RANBP2: variants seen among roughly 807,000 people sequenced by gnomAD.
RANBP2 encodes the protein E3 SUMO-protein ligase RanBP2.
Under a neutral mutation model 303.6 loss-of-function variants are expected in RANBP2, and 57 were observed. The observed-to-expected ratio is 0.19, with a 90% CI of 0.15 to 0.23. RANBP2 has a LOEUF of 0.23. Among genes scored for constraint, RANBP2 ranks in the 10% least tolerant of loss-of-function variants. The pLI is 1.00. For missense variants in RANBP2, 3,138 were observed against 3,780.8 expected (o/e 0.83, Z 4.46); for synonymous variants, 1,167 against 1,301.5 (o/e 0.90, Z 2.23).
chr2:109,162,207 G>A, the RANBP2 span, among the ~76,000 whole-genome samples: 3 of 152,166 alleles, frequency 2.0e-5, no homozygotes, highest in African/African-American at 7.2e-5. Flanking sequence ...CTTTATGTGT[G>A]CCTAGGCTTG....
At chr2:109,417,413 C>T in the RANBP2 span, among the ~76,000 whole-genome samples, 41 of 152,198 alleles carry the variant, frequency 2.7e-4, no homozygotes, top group African/African-American at 8.7e-4. Context: ...GCAGGTGTCC[C>T]GGGCAGACAG....
the RANBP2 span, among the ~76,000 whole-genome samples, chr2:108,863,421 T>C: frequency 6.6e-6 from 1 of 152,182 alleles, no homozygotes; most frequent in Non-Finnish European, 1.5e-5. Flanking sequence ...TTTAGATGTG[T>C]GGTGTTTTCA....
chr2:108,841,806 C>T, the RANBP2 span, among the ~76,000 whole-genome samples: 10 of 151,922 alleles, frequency 6.6e-5, no homozygotes, highest in Admixed American at 6.6e-4. Context: ...TTTTGTTTCT[C>T]TTTTTCATTT....
At chr2:109,355,495 C>T in the RANBP2 span, among the ~76,000 whole-genome samples, 1 of 152,202 alleles carries the variant, frequency 6.6e-6, no homozygotes, top group Non-Finnish European at 1.5e-5. Context: ...TGTCATGCTA[C>T]AATGGAGGGT....
the RANBP2 span, among the ~76,000 whole-genome samples, chr2:109,553,471 G>C: frequency 6.6e-6 from 1 of 151,734 alleles, no homozygotes; most frequent in Admixed American, 6.6e-5. Context: ...CTGAACCCAG[G>C]AGGCAGAGAT....
chr2:108,915,701 AC>A, the RANBP2 span, among the ~76,000 whole-genome samples: 1 of 152,018 alleles, frequency 6.6e-6, no homozygotes, highest in African/African-American at 2.4e-5. Context: ...GTTTGAGACC[AC>A]CCTGGCCAAC....
chr2:109,012,488 G>A, the RANBP2 span, among the ~76,000 whole-genome samples: 14 of 142,400 alleles, frequency 9.8e-5, no homozygotes, highest in East Asian at 6.1e-4. Context: ...AAGGAACGGC[G>A]GAGAGGGTCA....
the RANBP2 span, among the ~76,000 whole-genome samples, chr2:108,844,216 G>A: frequency 1.3e-5 from 2 of 151,912 alleles, no homozygotes; most frequent in African/African-American, 4.8e-5. Flanking sequence ...CTCTAATGAC[G>A]TGATTTTAGA....
the RANBP2 span, among the ~76,000 whole-genome samples, chr2:108,927,629 T>C: frequency 3.3e-5 from 5 of 151,702 alleles, no homozygotes; most frequent in Non-Finnish European, 7.4e-5. Context: ...CAGTAGGAAT[T>C]TGCCCCATGG....
At chr2:109,399,690 C>T in the RANBP2 span, among the ~76,000 whole-genome samples, 42 of 152,312 alleles carry the variant, frequency 2.8e-4, no homozygotes, top group East Asian at 7.9e-3. Context: ...AAGTACTTGC[C>T]TGTAGCTCTG....
the RANBP2 span, among the ~76,000 whole-genome samples, chr2:109,421,118 G>A: frequency 6.6e-6 from 1 of 152,252 alleles, no homozygotes; most frequent in Admixed American, 6.5e-5. Context: ...ACATGGAAAA[G>A]TGGGGGGTGA....
chr2:109,251,815 A>G, the RANBP2 span, among the ~76,000 whole-genome samples: 1 of 152,212 alleles, frequency 6.6e-6, no homozygotes, highest in Admixed American at 6.5e-5. Flanking sequence ...CCAAATATTT[A>G]ATATTTTTAA....
At position 108,782,764 on chromosome 2, in the gene RANBP2, C is replaced by T. The variant is rs918413277; in HGVS notation, c.9271C>T (p.Arg3091Trp). 1.9e-6 allele frequency: 3 copies of T among 1,614,150 alleles called. No individual in the cohort carries two copies. The highest frequency in any genetic ancestry group is 2.2e-5 in the East Asian group (1 of 44,876). The part of the protein sequence containing the change: ...TMELFSNIVP[R>W]TAENFRALCT... ...GGAATTATTTTCAAACATTGTTCCT[C>T]GGACTGCTGAGAACTTCAGAGCACT... The change falls in exon 28 of 29, where the codon CGG (arginine) becomes TGG (tryptophan). Residue 3091 changes from arginine (R) to tryptophan (W), a missense_variant. Physicochemically the swap from Arg to Trp is moderately radical, Grantham distance 101. Coordinates refer to ENST00000283195, the MANE Select transcript of RANBP2 (RefSeq NM_006267.5).
chr2:108,862,594 G>A, the RANBP2 span, among the ~76,000 whole-genome samples: 1 of 152,118 alleles, frequency 6.6e-6, no homozygotes, highest in African/African-American at 2.4e-5. Flanking sequence ...TAATGGATAT[G>A]TTATTTGGTT....
At chr2:108,821,766 G>A in the RANBP2 span, among the ~76,000 whole-genome samples, 2 of 151,990 alleles carry the variant, frequency 1.3e-5, no homozygotes, top group South Asian at 4.2e-4. Flanking sequence ...TCAACATGGT[G>A]AAACCCCATC....
chr2:108,720,796 A>C (rs1200654735), intron 1 of RANBP2, among the ~76,000 whole-genome samples: 1 of 152,238 alleles, frequency 6.6e-6, no homozygotes, highest in African/African-American at 2.4e-5. Context: ...CTGTAATCCC[A>C]CCACTTTGGG....
At chr2:108,982,782 C>G in the RANBP2 span, among the ~76,000 whole-genome samples, 3 of 152,134 alleles carry the variant, frequency 2.0e-5, no homozygotes, top group Non-Finnish European at 4.4e-5. Flanking sequence ...AGTCTCCTTG[C>G]TTTGGTTACG....
the RANBP2 span, among the ~76,000 whole-genome samples, chr2:109,392,868 C>G: frequency 2.4e-4 from 37 of 152,300 alleles, no homozygotes; most frequent in African/African-American, 8.4e-4. Flanking sequence ...CTTTGGAAGC[C>G]TTTCTCCTTA....
the RANBP2 span, among the ~76,000 whole-genome samples, chr2:109,508,021 C>T: frequency 2.0e-5 from 3 of 152,178 alleles, no homozygotes; most frequent in Non-Finnish European, 4.4e-5. Context: ...TCCAGGTGCT[C>T]ACATGACGTT....
Sources: gnomAD v4.1 joint callset for allele counts (sites outside exome capture counted in the v4.1 genomes callset) on GRCh38, gnomAD v4.1.1 for gene constraint, MANE v1.5 for transcripts, NCBI Gene and HGNC (gene_info 2026-07-23, HGNC 2026-07-21) for gene names.